SCRG1: variants seen among roughly 807,000 people sequenced by gnomAD.
The protein encoded by SCRG1 is stimulator of chondrogenesis 1.
SCRG1 carries 3 observed loss-of-function variants against 7.7 expected under a neutral mutation model. That is an observed-to-expected ratio of 0.39 (90% CI 0.18 to 1.01). The LOEUF is 1.01. Among genes scored for constraint, SCRG1 ranks in the 50% least tolerant of loss-of-function variants. The probability of loss-of-function intolerance (pLI) is 0.36; values close to 1 mark genes in which losing one functional copy is unlikely to be tolerated. For synonymous variants in SCRG1, 46 were observed against 41.2 expected (o/e 1.12, Z -0.44); for missense variants, 110 against 117.2 (o/e 0.94, Z 0.28).
the SCRG1 span, among the ~76,000 whole-genome samples, chr4:173,452,093 C>A: frequency 1.3e-5 from 2 of 152,050 alleles, no homozygotes; most frequent in Non-Finnish European, 2.9e-5. Context: ...ATCTTCATGA[C>A]ATGAGACACA....
chr4:173,503,499 C>T, the SCRG1 span, among the ~76,000 whole-genome samples: 1 of 152,038 alleles, frequency 6.6e-6, no homozygotes, highest in Non-Finnish European at 1.5e-5. The surrounding 1 kb of genome is among the most constrained non-coding windows in gnomAD (Gnocchi z 6.4). Context: ...GGGAGTGTTG[C>T]AAGGGTAAAC....
upstream of SCRG1, among the ~76,000 whole-genome samples, chr4:173,411,310 C>G (rs1578974126): frequency 6.6e-6 from 1 of 152,148 alleles, no homozygotes. Flanking sequence ...CTTGTGGCTA[C>G]AAAGATTCAG....
chr4:173,434,830 CTAAA>C, the SCRG1 span, among the ~76,000 whole-genome samples: 1 of 152,050 alleles, frequency 6.6e-6, no homozygotes, highest in Non-Finnish European at 1.5e-5. Context: ...GACTCCGTCT[CTAAA>C]TAAATAAATA....
upstream of SCRG1, among the ~76,000 whole-genome samples, chr4:173,409,903 T>G (rs1028105832): frequency 3.9e-5 from 6 of 152,114 alleles, no homozygotes; most frequent in African/African-American, 1.2e-4. Context: ...TGCATACTCT[T>G]AAGTATGCCA....
At chr4:173,447,556 A>T in the SCRG1 span, among the ~76,000 whole-genome samples, 1 of 152,262 alleles carries the variant, frequency 6.6e-6, no homozygotes, top group Non-Finnish European at 1.5e-5. Flanking sequence ...TAGTTTTCAG[A>T]TATCACATTG....
the SCRG1 span, among the ~76,000 whole-genome samples, chr4:173,413,760 G>A: frequency 6.6e-6 from 1 of 152,222 alleles, no homozygotes; most frequent in East Asian, 1.9e-4. Flanking sequence ...AGGAGGCCAG[G>A]CAGTGAGAAT....
chr4:173,422,986 T>C, the SCRG1 span, among the ~76,000 whole-genome samples: 1,355 of 152,318 alleles, frequency 8.9e-3, 21 homozygotes, highest in African/African-American at 0.03. Context: ...CCAAGGATTA[T>C]GTTTTCTCTT....
chr4:173,503,855 T>C, the SCRG1 span, among the ~76,000 whole-genome samples: 1 of 152,166 alleles, frequency 6.6e-6, no homozygotes, highest in South Asian at 2.1e-4. This position sits in a 1 kb window ranked among gnomAD's most constrained non-coding sequence, Gnocchi z 6.4. Context: ...TAGGAGGGTG[T>C]CATTTGTAGC....
chr4:173,424,444 T>C, the SCRG1 span, among the ~76,000 whole-genome samples: 5 of 152,220 alleles, frequency 3.3e-5, no homozygotes, highest in Admixed American at 3.3e-4. Context: ...ATTAGCTGTT[T>C]CTTCTAACCC....
At chr4:173,491,916 G>A in the SCRG1 span, among the ~76,000 whole-genome samples, 1 of 152,078 alleles carries the variant, frequency 6.6e-6, no homozygotes, top group Non-Finnish European at 1.5e-5. Context: ...GATCACTTGA[G>A]CCCAGGAGTT....
chr4:173,489,267 T>C, the SCRG1 span, among the ~76,000 whole-genome samples: 1 of 152,216 alleles, frequency 6.6e-6, no homozygotes, highest in African/African-American at 2.4e-5. Flanking sequence ...TCTGTTGACT[T>C]CCTGGAGAAA....
chr4:173,504,999 T>C, the SCRG1 span, among the ~76,000 whole-genome samples: 2 of 152,236 alleles, frequency 1.3e-5, no homozygotes, highest in Non-Finnish European at 2.9e-5. This position sits in a 1 kb window ranked among gnomAD's most constrained non-coding sequence, Gnocchi z 4.7. Flanking sequence ...AGATGATCAA[T>C]AACTGTAACT....
intron 1 of SCRG1, among the ~76,000 whole-genome samples, chr4:173,394,712 A>C (rs1739550349): frequency 6.6e-6 from 1 of 152,014 alleles, no homozygotes; most frequent in Non-Finnish European, 1.5e-5. Context: ...ACATACAAAA[A>C]CTCTACACTT....
At chr4:173,418,516 G>A in the SCRG1 span, among the ~76,000 whole-genome samples, 1 of 152,214 alleles carries the variant, frequency 6.6e-6, no homozygotes, top group African/African-American at 2.4e-5. Flanking sequence ...AAACCATTGA[G>A]AATTTGGTGT....
the SCRG1 span, among the ~76,000 whole-genome samples, chr4:173,477,346 A>G: frequency 6.6e-6 from 1 of 152,192 alleles, no homozygotes; most frequent in Admixed American, 6.5e-5. Context: ...TTAGAAAAAG[A>G]GAACAAATAT....
the SCRG1 span, among the ~76,000 whole-genome samples, chr4:173,435,513 C>T: frequency 0.42 from 63,962 of 151,996 alleles, 14,224 homozygotes; most frequent in African/African-American, 0.56. Flanking sequence ...AGTGATTTTC[C>T]CAGGCTGTTA....
chr4:173,391,195 T>G lies in SCRG1; in HGVS notation c.220A>C (p.Ser74Arg). 6.2e-7 allele frequency: 1 copy of G among 1,614,164 alleles called. No individual in the cohort carries two copies. Among genetic ancestry groups the G allele is most frequent in the African/African-American group, 1.3e-5 (1 of 75,068 alleles). ...GCEMICYCNF[S>R]ELLCCPKDVF... is the part of the protein sequence containing the mutation. Reference sequence around the variant, plus strand: ...TACTTTGGGCAGCAGAGCAATTCGCTGAAGTTGCAGTAACAGATCATCTCA... The same window carrying G: ...TACTTTGGGCAGCAGAGCAATTCGCGGAAGTTGCAGTAACAGATCATCTCA... Residue 74 changes from serine to arginine, a missense_variant, in exon 2 of 3, where the codon AGC (serine) becomes CGC (arginine). Physicochemically the swap from Ser to Arg is moderately radical, Grantham distance 110. Transcript: ENST00000296506.
chr4:173,516,843 C>A, the SCRG1 span, among the ~76,000 whole-genome samples: 1 of 152,216 alleles, frequency 6.6e-6, no homozygotes, highest in Admixed American at 6.5e-5. Flanking sequence ...CCCAGTTCTT[C>A]CCCGCATAGT....
At chr4:173,481,385 G>A in the SCRG1 span, among the ~76,000 whole-genome samples, 1 of 152,268 alleles carries the variant, frequency 6.6e-6, no homozygotes, top group East Asian at 1.9e-4. Context: ...GTACCAATAA[G>A]TAAAAAGAAA....
Sources: gnomAD v4.1 joint callset for allele counts (sites outside exome capture counted in the v4.1 genomes callset) on GRCh38, gnomAD v4.1.1 for gene constraint, Gnocchi (gnomAD v3.1) non-coding constraint, MANE v1.5 for transcripts, NCBI Gene and HGNC (gene_info 2026-07-23, HGNC 2026-07-21) for gene names.